ELAPOR1: variants seen among roughly 807,000 people sequenced by gnomAD.
ELAPOR1 encodes the protein endosome/lysosome-associated apoptosis and autophagy regulator 1.
Under a neutral mutation model 119.7 loss-of-function variants are expected in ELAPOR1, and 77 were observed. The ratio of observed to expected loss-of-function variants is 0.64; its 90% confidence interval spans 0.54 to 0.78. ELAPOR1 has a LOEUF of 0.78. ELAPOR1 is among the 30% of genes least tolerant of loss of function. The pLI, the probability that ELAPOR1 is intolerant of heterozygous loss-of-function variation, is 0.00. For synonymous variants in ELAPOR1, 481 were observed against 487.2 expected (o/e 0.99, Z 0.17); for missense variants, 1,115 against 1,270.4 (o/e 0.88, Z 1.86).
At chr1:109,136,150 G>C (rs897028599) in intron 1 of ELAPOR1, among the ~76,000 whole-genome samples, 1 of 152,138 alleles carries the variant, frequency 6.6e-6, no homozygotes, top group Non-Finnish European at 1.5e-5. Context: ...ATGTACCTTA[G>C]AGTACCCGCT....
In ELAPOR1 at chr1:109,164,555, T is replaced by C. The variant is rs531431150; in HGVS notation, c.331T>C (p.Cys111Arg). 7.4e-6 allele frequency: 12 copies of C among 1,614,190 alleles called. No homozygotes were observed. The East Asian group carries it at 2.0e-4, about 27-fold the overall frequency. The stretch of plus-strand genomic sequence containing the variant: ...TATGAAGGACCAGTCATGTAAGCCA[T>C]GCGCTGAGGGCCGCTACTCCCTCGG... ...LDMKDQSCKP[C>R]AEGRYSLGTG... Residue 111 changes from cysteine (C) to arginine (R), a missense_variant, in exon 3 of 22, where the codon TGC becomes CGC. Coordinates refer to ENST00000369939, the MANE Select transcript of ELAPOR1 (RefSeq NM_020775.5).
rs35030338 is a variant in ELAPOR1, at chr1:109,178,962, C to CAAAA, written c.952+5135_952+5138dup. 9.0e-3 allele frequency among the ~76,000 whole-genome samples: 1,205 copies of CAAAA among 134,186 alleles called. 19 individuals are homozygous for CAAAA. The highest frequency in any genetic ancestry group is 0.027 in the African/African-American group (990 of 36,966). The allele number at this position is 134,186 out of a possible 152,430, so 88.0% of individuals were successfully genotyped here. ...TCTGGGTGACAGAATAATACTGTCT[C>CAAAA]AAAAAAAAAAAAAGAATGTAGTGGA... On this transcript the variant is annotated intron_variant, in intron 7 of 21. Coordinates refer to ENST00000369939, the MANE Select transcript of ELAPOR1 (RefSeq NM_020775.5).
chr1:109,190,908 A>G (rs1270049785), intron 11 of ELAPOR1, among the ~76,000 whole-genome samples: 2 of 152,206 alleles, frequency 1.3e-5, no homozygotes, highest in Non-Finnish European at 2.9e-5. Context: ...GTCTTATGAT[A>G]GACGTGCTTC....
chr1:109,165,771 G>A (rs557689313), intron 3 of ELAPOR1, among the ~76,000 whole-genome samples: 114 of 145,406 alleles, frequency 7.8e-4, no homozygotes, highest in Non-Finnish European at 1.3e-3. Flanking sequence ...TTGAGACAGA[G>A]TCTCACTCTG....
At chr1:109,133,885 A>G (rs1649299975) in intron 1 of ELAPOR1, among the ~76,000 whole-genome samples, 1 of 152,172 alleles carries the variant, frequency 6.6e-6, no homozygotes, top group African/African-American at 2.4e-5. Flanking sequence ...AATTAGGGAG[A>G]ATGGCATCCT....
chr1:109,121,242 G>T (rs1004157383), intron 1 of ELAPOR1, among the ~76,000 whole-genome samples: 1 of 152,068 alleles, frequency 6.6e-6, no homozygotes, highest in African/African-American at 2.4e-5. Context: ...CGCCTCCCAG[G>T]TTCAAGGGAT....
intron 7 of ELAPOR1, among the ~76,000 whole-genome samples, chr1:109,183,712 G>A (rs1652884652): frequency 6.6e-6 from 1 of 151,592 alleles, no homozygotes; most frequent in Non-Finnish European, 1.5e-5. Context: ...TCAACCTCCT[G>A]GACTCAAGTG....
At chr1:109,182,954 G>A (rs1361820413) in intron 7 of ELAPOR1, among the ~76,000 whole-genome samples, 5 of 151,818 alleles carry the variant, frequency 3.3e-5, no homozygotes, top group Non-Finnish European at 7.4e-5. Flanking sequence ...CCATTATTCA[G>A]TGCTTATCTG....
intron 1 of ELAPOR1, among the ~76,000 whole-genome samples, chr1:109,160,301 T>C (rs1170868991): frequency 6.7e-6 from 1 of 149,736 alleles, no homozygotes; most frequent in East Asian, 1.9e-4. Context: ...AGCAAGAGAC[T>C]GTCTAAAAAA....
At chr1:109,198,370 G>A (rs888342452) in intron 17 of ELAPOR1, among the ~76,000 whole-genome samples, 1 of 152,152 alleles carries the variant, frequency 6.6e-6, no homozygotes, top group Non-Finnish European at 1.5e-5. Flanking sequence ...CCTAAACCAG[G>A]GCATTTCCCC....
intron 11 of ELAPOR1, among the ~76,000 whole-genome samples, chr1:109,190,054 ATTATT>A (rs1653334484): frequency 6.6e-6 from 1 of 152,188 alleles, no homozygotes; most frequent in Non-Finnish European, 1.5e-5. Context: ...ATTGGGAAGG[ATTATT>A]CTTACTGTAT....
intron 8 of ELAPOR1, chr1:109,187,524 G>A (rs144637331): frequency 5.0e-6 from 5 of 1,001,098 alleles, no homozygotes; most frequent in East Asian, 2.3e-4. Flanking sequence ...ATAAGGGCAC[G>A]TTTTTGTCTG....
In ELAPOR1 at chr1:109,191,476, G is replaced by A. The variant is rs375346496; in HGVS notation, c.1545+5G>A. 275 of 1,612,194 alleles carry A rather than the reference G, an allele frequency of 1.7e-4. No homozygotes were observed. Among genetic ancestry groups the A allele is most frequent in the South Asian group, 3.5e-4 (32 of 91,046 alleles). ...TGTGAGCTCTACTTCATGGTGGTAC[G>A]TTTTCCTTTCTTTGCCCGCTAGAGG... is the stretch of plus-strand genomic sequence containing the variant. On this transcript the variant is annotated splice_donor_5th_base_variant and intron_variant, in intron 12 of 21. Coordinates refer to ENST00000369939, the MANE Select transcript of ELAPOR1 (RefSeq NM_020775.5).
intron 5 of ELAPOR1, 84 bp downstream of exon 5, chr1:109,172,652 A>G (rs917361171): frequency 2.2e-5 from 21 of 958,018 alleles, no homozygotes; most frequent in Non-Finnish European, 3.5e-5. Context: ...TCCCAGTCTG[A>G]GCCTCCACCC....
chr1:109,144,061 A>ATATATATATATATATTTT lies in ELAPOR1; in HGVS notation c.154-17832_154-17831insATATATATATATATTTTT. ...TATATATATATATATATATTTATATATTTTTTTTTTTTTTTGAGATGGAGT... is the reference window on the plus strand; with the variant it reads ...TATATATATATATATATATTTATATATATATATATATATATTTTTTTTTTTTTTTTTTTGAGATGGAGT... On this transcript the variant is annotated intron_variant, in intron 1 of 21. Coordinates refer to ENST00000369939, the MANE Select transcript of ELAPOR1 (RefSeq NM_020775.5). Among the ~76,000 whole-genome samples, 13 of 88,986 alleles carry ATATATATATATATATTTT rather than the reference A, an allele frequency of 1.5e-4. 1 individual carries two copies. The highest frequency in any genetic ancestry group is 6.3e-4 in the African/African-American group (13 of 20,738). The allele number at this position is 88,986 out of a possible 152,430, so 58.4% of individuals were successfully genotyped here.
In ELAPOR1 at chr1:109,174,979, T is replaced by C. The variant is rs1334704263; in HGVS notation, c.952+1142T>C. On this transcript the variant is annotated intron_variant, in intron 7 of 21. Coordinates refer to ENST00000369939, the MANE Select transcript of ELAPOR1 (RefSeq NM_020775.5). ...ATCCGCCCGCCTCAGCCTCCCAAAG[T>C]GCTGGGATTATAGGCATGAGCCACC... 2.0e-5 allele frequency among the ~76,000 whole-genome samples: 3 copies of C among 151,668 alleles called. No homozygotes were observed. The East Asian group carries it at 5.8e-4, about 29-fold the overall frequency.
intron 1 of ELAPOR1, among the ~76,000 whole-genome samples, chr1:109,126,183 C>G (rs1422490196): frequency 6.6e-6 from 1 of 152,136 alleles, no homozygotes; most frequent in Non-Finnish European, 1.5e-5. Flanking sequence ...TGAGAGCAGG[C>G]CTTTCTGAGG....
In ELAPOR1 at chr1:109,197,363, C is replaced by A; in HGVS notation, c.2122-111C>A. 3.5e-6 allele frequency: 3 copies of A among 852,252 alleles called. No individual in the cohort carries two copies. The South Asian group carries it at 4.8e-5, about 14-fold the overall frequency. The allele number at this position is 852,252 out of a possible 1,614,324, so 52.8% of individuals were successfully genotyped here. ...GGATGAATCATTCCCCTACAACATA[C>A]CATTGAAACGCTGAAAATTTAGATG... is the stretch of plus-strand genomic sequence containing the variant. On this transcript the variant is annotated intron_variant, in intron 15 of 21. Transcript: ENST00000369939.
At chr1:109,162,135 T>C in intron 2 of ELAPOR1, 121 bp downstream of exon 2, 2 of 1,127,558 alleles carry the variant, frequency 1.8e-6, no homozygotes, top group Non-Finnish European at 2.5e-6. Flanking sequence ...TCAGATCTTT[T>C]CCCCAATTAG....
Sources: gnomAD v4.1 joint callset for allele counts (sites outside exome capture counted in the v4.1 genomes callset) on GRCh38, gnomAD v4.1.1 for gene constraint, MANE v1.5 for transcripts, NCBI Gene and HGNC (gene_info 2026-07-23, HGNC 2026-07-21) for gene names.